The following GDA variants were observed in gnomAD, a reference collection of about 807,000 sequenced individuals.
GDA encodes cytoplasmic PSD-95 interactor.
A neutral mutation model predicts 59.6 loss-of-function variants in GDA; 18 were observed. The ratio of observed to expected loss-of-function variants is 0.30; its 90% CI spans 0.21 to 0.45. GDA has a LOEUF of 0.45. GDA is among the 20% of genes least tolerant of loss of function. The pLI is 1.00. For synonymous variants in GDA, 201 were observed against 201.1 expected (o/e 1.00, Z 0.00); for missense variants, 427 against 552.3 (o/e 0.77, Z 2.27).
At chr9:72,255,628 G>A (rs917427084), downstream of GDA, among the ~76,000 whole-genome samples, 2 of 152,128 alleles carry the variant, frequency 1.3e-5, no homozygotes, top group African/African-American at 4.8e-5. Flanking sequence ...AGATGAATTG[G>A]CAACTTACGT....
At chr9:72,195,456 C>A in intron 1 of GDA, 44 bp from the exon 2 acceptor site, 1 of 716,392 alleles carries the variant, frequency 1.4e-6, no homozygotes, top group Non-Finnish European at 2.3e-6. Flanking sequence ...ATGACTGTGA[C>A]TCACTAATAT....
intron 1 of GDA, among the ~76,000 whole-genome samples, chr9:72,188,541 A>G (rs1465713802): frequency 6.6e-6 from 1 of 152,224 alleles, no homozygotes. Flanking sequence ...TGCAAGATCT[A>G]TGGGGGCATG....
In GDA at chr9:72,149,694, CG is replaced by C; in HGVS notation, c.123+16del. 1.9e-6 allele frequency: 3 copies of C among 1,592,548 alleles called. No homozygotes were observed. The highest frequency in any genetic ancestry group is 2.6e-6 in the Non-Finnish European group (3 of 1,171,242). On this transcript the variant is annotated intron_variant, in intron 1 of 13. Transcript: ENST00000358399. ...GCGACAGCGGCAAAGTAAGCAGGCGCGGGGTCGAGCGCACTCCGACGGGCGG... is the reference window on the plus strand; with the variant it reads ...GCGACAGCGGCAAAGTAAGCAGGCGCGGGTCGAGCGCACTCCGACGGGCGG...
intron 1 of GDA, among the ~76,000 whole-genome samples, chr9:72,137,497 C>T (rs916738439): frequency 6.6e-6 from 1 of 152,038 alleles, no homozygotes; most frequent in Non-Finnish European, 1.5e-5. Flanking sequence ...GTGCCCGCCT[C>T]AGCCTTCCAA....
downstream of GDA, among the ~76,000 whole-genome samples, chr9:72,254,253 G>A (rs1029640771): frequency 1.3e-5 from 2 of 152,096 alleles, no homozygotes; most frequent in African/African-American, 4.8e-5. Flanking sequence ...CCACATCATT[G>A]TAAGACTACA....
intron 3 of GDA, among the ~76,000 whole-genome samples, chr9:72,203,408 G>A (rs1834260595): frequency 6.6e-6 from 1 of 152,192 alleles, no homozygotes; most frequent in Admixed American, 6.5e-5. Context: ...CACCACTAGA[G>A]GGAACTCTGG....
intron 1 of GDA, among the ~76,000 whole-genome samples, chr9:72,164,849 G>A (rs1829085643): frequency 6.6e-6 from 1 of 151,938 alleles, no homozygotes; most frequent in South Asian, 2.1e-4. Flanking sequence ...AATTAGCTGG[G>A]CGTGGTGGCG....
Position 72,249,187 on chromosome 9 carries a change from A to G in GDA, c.*845A>G, listed in dbSNP as rs1587815467. On this transcript the variant is annotated 3_prime_UTR_variant, in exon 14 of 14. Coordinates refer to ENST00000358399, the MANE Select transcript of GDA (RefSeq NM_004293.5). ...TTTTATTAGAAGAGAAACAAATTCC[A>G]TGCTTTATGGAATTTATGTAGACTG... 6 of 984,092 alleles carry G rather than the reference A, an allele frequency of 6.1e-6. No individual in the cohort carries two copies. Among genetic ancestry groups the G allele is most frequent in the South Asian group, 4.7e-5 (1 of 21,256 alleles). The allele number at this position is 984,092 out of a possible 1,614,324, so 61.0% of individuals were successfully genotyped here.
chr9:72,249,021 G>T lies in GDA; in HGVS notation c.*679G>T. 1 of 985,354 alleles carries T rather than the reference G, an allele frequency of 1.0e-6. No homozygotes were observed. The allele number at this position is 985,354 out of a possible 1,614,324, so 61.0% of individuals were successfully genotyped here. A position where few individuals can be genotyped will look rare whatever the true frequency, so the allele number is the denominator to read the frequency against. ...ACATGCTTTCATAATATAGTTTTGT[G>T]CTTCAAAGTGTTTGACAGAAGTTGG... On this transcript the variant is annotated 3_prime_UTR_variant, in exon 14 of 14. Transcript: ENST00000358399.
At chr9:72,160,077 A>T (rs1488201879) in intron 1 of GDA, among the ~76,000 whole-genome samples, 1 of 152,088 alleles carries the variant, frequency 6.6e-6, no homozygotes, top group African/African-American at 2.4e-5. Context: ...AGGCGGGCGG[A>T]TCATGAGGTC....
At chr9:72,225,232 G>C (rs1837403026) in intron 7 of GDA, among the ~76,000 whole-genome samples, 1 of 152,206 alleles carries the variant, frequency 6.6e-6, no homozygotes, top group African/African-American at 2.4e-5. Context: ...AGTGAGTGGA[G>C]ATTGTGCCAC....
upstream of GDA, among the ~76,000 whole-genome samples, chr9:72,147,646 T>G (rs1177420306): frequency 6.6e-6 from 1 of 152,142 alleles, no homozygotes; most frequent in Non-Finnish European, 1.5e-5. Context: ...AGGTTTTCAT[T>G]AAAACCTAAT....
At chr9:72,173,502 T>C (rs953341071) in intron 1 of GDA, among the ~76,000 whole-genome samples, 4 of 152,052 alleles carry the variant, frequency 2.6e-5, no homozygotes, top group Non-Finnish European at 5.9e-5. Context: ...GGCTAATTTT[T>C]ATATTTTTCG....
intron 1 of GDA, among the ~76,000 whole-genome samples, chr9:72,158,420 C>G (rs1050397258): frequency 2.0e-5 from 3 of 151,912 alleles, no homozygotes; most frequent in Non-Finnish European, 4.4e-5. Flanking sequence ...GGTGAAACTC[C>G]ATCTCTACTA....
intron 1 of GDA, among the ~76,000 whole-genome samples, chr9:72,193,097 A>T (rs1432786214): frequency 6.6e-6 from 1 of 152,150 alleles, no homozygotes. Context: ...CTGAAAGATT[A>T]CATATCTTTC....
intron 10 of GDA, among the ~76,000 whole-genome samples, chr9:72,234,727 C>T (rs1347606539): frequency 6.6e-6 from 1 of 152,158 alleles, no homozygotes; most frequent in Non-Finnish European, 1.5e-5. Flanking sequence ...CGTAACTGAA[C>T]ATGTTGTGAC....
Position 72,250,586 on chromosome 9 carries a change from T to C in GDA, c.*2244T>C. ...GGTGTTCCTGAATGTTATGTATGCT[T>C]TTTTTTCTGTACCACAGGCATTATC... On this transcript the variant is annotated 3_prime_UTR_variant, in exon 14 of 14. Transcript: ENST00000358399. The C allele has an allele frequency of 6.7e-7, 1 of 1,496,708 alleles. No individual in the cohort carries two copies. The highest frequency in any genetic ancestry group is 2.6e-5 in the Admixed American group (1 of 38,576). 92.7% of individuals were successfully genotyped at this position (1,496,708 alleles called of 1,614,324 possible). A position where few individuals can be genotyped will look rare whatever the true frequency, so the allele number is the denominator to read the frequency against.
At chr9:72,254,366 G>A (rs1270778824), downstream of GDA, among the ~76,000 whole-genome samples, 1 of 151,822 alleles carries the variant, frequency 6.6e-6, no homozygotes, top group Non-Finnish European at 1.5e-5. Flanking sequence ...TTTCTCTGTA[G>A]CAAAAACTTT....
chr9:72,126,177 G>A (rs1352987710), intron 1 of GDA, among the ~76,000 whole-genome samples: 3 of 152,064 alleles, frequency 2.0e-5, no homozygotes, highest in East Asian at 3.9e-4. Flanking sequence ...ATGGGATTAC[G>A]GACGTGAGCC....
Sources: allele counts gnomAD v4.1 joint callset (sites outside exome capture counted in the v4.1 genomes callset), GRCh38; gene constraint gnomAD v4.1.1; transcripts MANE v1.5; gene names NCBI Gene and HGNC (gene_info 2026-07-23, HGNC 2026-07-21).